The following PRKG1 variants were observed in gnomAD, a reference collection of about 807,000 sequenced individuals.
The protein encoded by PRKG1 is cGMP-dependent protein kinase 1.
A neutral mutation model predicts 88.1 loss-of-function variants in PRKG1; 35 were observed. The observed-to-expected ratio is 0.40, with a 90% CI of 0.30 to 0.53. The LOEUF (loss-of-function observed/expected upper bound fraction) is 0.53, where lower values mean the gene tolerates loss of function less well. PRKG1 is among the 20% of genes least tolerant of loss of function. PRKG1 has a pLI of 0.59. For synonymous variants in PRKG1, 303 were observed against 292.5 expected, an observed-to-expected ratio of 1.04 and a Z score of -0.37; for missense variants, 540 against 839.8, an observed-to-expected ratio of 0.64 and a Z score of 4.41.
chr10:52,036,136 C>T (rs34059659), intron 5 of PRKG1, among the ~76,000 whole-genome samples: 8,837 of 151,816 alleles, frequency 0.058, 670 homozygotes, highest in East Asian at 0.44. Flanking sequence ...TGAAGCTTTG[C>T]GGCAGTACAG....
intron 9 of PRKG1, among the ~76,000 whole-genome samples, chr10:52,165,108 A>T (rs1201757703): frequency 6.6e-6 from 1 of 152,190 alleles, no homozygotes; most frequent in Non-Finnish European, 1.5e-5. Context: ...TATGACCTTT[A>T]TTCCTAAAAC....
At chr10:51,817,346 A>AGC (rs1332540212) in intron 4 of PRKG1, among the ~76,000 whole-genome samples, 1 of 36,382 alleles carries the variant, frequency 2.7e-5, no homozygotes, top group Non-Finnish European at 5.0e-5. Flanking sequence ...ATCCCTCCCC[A>AGC]ACCCCCCCCC....
chr10:52,162,425 T>C (rs1838300534), intron 9 of PRKG1, among the ~76,000 whole-genome samples: 1 of 152,148 alleles, frequency 6.6e-6, no homozygotes. Context: ...TTAAGTATGA[T>C]GTTGCATAAA....
chr10:51,273,853 G>A (rs554464414), intron 2 of PRKG1, among the ~76,000 whole-genome samples: 17 of 152,198 alleles, frequency 1.1e-4, no homozygotes, highest in African/African-American at 2.9e-4. Context: ...TTATGCTTTC[G>A]GCACCGGATC....
At chr10:51,941,368 ACT>A (rs1286049321) in intron 5 of PRKG1, among the ~76,000 whole-genome samples, 2 of 151,984 alleles carry the variant, frequency 1.3e-5, no homozygotes, top group African/African-American at 4.8e-5. Flanking sequence ...TGTCTCAGTC[ACT>A]GTAAGAAATT....
intron 3 of PRKG1, among the ~76,000 whole-genome samples, chr10:51,673,854 A>C (rs1840643818): frequency 6.6e-6 from 1 of 152,204 alleles, no homozygotes; most frequent in Non-Finnish European, 1.5e-5. Flanking sequence ...GCAGCTATTT[A>C]TCTCATTCCT....
chr10:51,549,947 G>A (rs1247785509), intron 3 of PRKG1, among the ~76,000 whole-genome samples: 2 of 152,090 alleles, frequency 1.3e-5, no homozygotes, highest in African/African-American at 4.8e-5. Flanking sequence ...TATTGCTTTT[G>A]CCTAGACTCA....
chr10:51,141,098 A>G (rs779735666), intron 1 of PRKG1, among the ~76,000 whole-genome samples: 1 of 152,144 alleles, frequency 6.6e-6, no homozygotes, highest in Non-Finnish European at 1.5e-5. Context: ...TCGGGGACCA[A>G]CACTCATCCC....
intron 4 of PRKG1, among the ~76,000 whole-genome samples, chr10:51,852,891 G>A (rs918956391): frequency 6.6e-6 from 1 of 152,092 alleles, no homozygotes; most frequent in African/African-American, 2.4e-5. Flanking sequence ...TTCTAGATGA[G>A]TTTTTATAAA....
At chr10:51,802,898 C>T (rs11817240) in intron 3 of PRKG1, among the ~76,000 whole-genome samples, 6 of 152,216 alleles carry the variant, frequency 3.9e-5, no homozygotes, top group East Asian at 1.9e-4. Flanking sequence ...ACCCCCAAAC[C>T]GTGCAGCAAC....
At chr10:51,159,299 T>C (rs1271877541) in intron 2 of PRKG1, among the ~76,000 whole-genome samples, 1 of 152,154 alleles carries the variant, frequency 6.6e-6, no homozygotes, top group Non-Finnish European at 1.5e-5. Context: ...CATTTTCATA[T>C]GGATTAGCTC....
rs147210690 is a variant in PRKG1 at position 51,314,890 on chromosome 10, C to T, written c.479-152833C>T. ...CCCTCATCAAGTTCTGCAATTCTAA[C>T]TGTATGTCTCCATTGGTCTCACATC... On this transcript the variant is annotated intron_variant, in intron 2 of 17. Coordinates refer to ENST00000373980, the MANE Select transcript of PRKG1 (RefSeq NM_006258.4). Among the ~76,000 whole-genome samples the T allele has an allele frequency of 3.9e-5, 6 of 152,316 alleles. No individual in the cohort carries two copies. The East Asian group carries it at 1.2e-3, about 29-fold the overall frequency.
chr10:52,290,307 G>T lies in PRKG1; in HGVS notation c.1962+17G>T. 1 of 1,582,110 alleles carries T rather than the reference G, an allele frequency of 6.3e-7. No individual in the cohort carries two copies. Among genetic ancestry groups the T allele is most frequent in the South Asian group, 1.1e-5 (1 of 88,998 alleles). On this transcript the variant is annotated intron_variant, in intron 17 of 17. Transcript: ENST00000373980. ...ATACCAAGTGTAAGTAGACTTTCCAGCTTATAATTGTGTGACATAATTGAT... is the reference window on the plus strand; with the variant it reads ...ATACCAAGTGTAAGTAGACTTTCCATCTTATAATTGTGTGACATAATTGAT...
chr10:51,209,494 A>G (rs1423200142), intron 2 of PRKG1, among the ~76,000 whole-genome samples: 2 of 152,190 alleles, frequency 1.3e-5, no homozygotes, highest in African/African-American at 4.8e-5. Context: ...TTCAGATTGT[A>G]TACACAAAGA....
chr10:51,965,557 G>A (rs981542690), intron 5 of PRKG1, among the ~76,000 whole-genome samples: 1 of 152,082 alleles, frequency 6.6e-6, no homozygotes, highest in Non-Finnish European at 1.5e-5. Context: ...TTCTGTTTCA[G>A]AATATAACAA....
At chr10:51,285,704 G>C (rs1456492243) in intron 2 of PRKG1, among the ~76,000 whole-genome samples, 1 of 152,170 alleles carries the variant, frequency 6.6e-6, no homozygotes. Context: ...AGGATGGGGA[G>C]TGTATTGGTT....
chr10:52,280,607 C>A (rs1027001599), intron 12 of PRKG1, among the ~76,000 whole-genome samples, 182 bp from the exon 13 acceptor site: 2 of 152,026 alleles, frequency 1.3e-5, no homozygotes, highest in African/African-American at 2.4e-5. Flanking sequence ...AATTCCTTAA[C>A]TTGATCCTTG....
In PRKG1 at chr10:51,719,805, C is replaced by T. The variant is rs554922653; in HGVS notation, c.593-84780C>T. On this transcript the variant is annotated intron_variant, in intron 3 of 17. Coordinates refer to ENST00000373980, the MANE Select transcript of PRKG1 (RefSeq NM_006258.4). ...AACTTTTCTGTAAATCTAAAATTATCCCCAGAAAAGTTTAAAAAGAAAACA... is the reference window on the plus strand; with the variant it reads ...AACTTTTCTGTAAATCTAAAATTATTCCCAGAAAAGTTTAAAAAGAAAACA... Among the ~76,000 whole-genome samples, 17 of 152,190 alleles carry T rather than the reference C, an allele frequency of 1.1e-4. No homozygotes were observed. The South Asian group carries it at 3.1e-3, about 28-fold the overall frequency.
chr10:51,248,046 C>A (rs1336644609), intron 2 of PRKG1, among the ~76,000 whole-genome samples: 1 of 151,826 alleles, frequency 6.6e-6, no homozygotes, highest in African/African-American at 2.4e-5. Flanking sequence ...AAATGTTAAA[C>A]AACAATCGTA....
Sources: allele counts gnomAD v4.1 joint callset (sites outside exome capture counted in the v4.1 genomes callset), GRCh38; gene constraint gnomAD v4.1.1; transcripts MANE v1.5; gene names NCBI Gene and HGNC (gene_info 2026-07-23, HGNC 2026-07-21).